The following MEOX2 variants were observed in gnomAD, a reference collection of about 807,000 sequenced individuals.
MEOX2 encodes mesenchyme homeobox 2.
Under a neutral mutation model 27.0 loss-of-function variants are expected in MEOX2, and 11 were observed. The observed-to-expected ratio is 0.41, with a 90% CI of 0.26 to 0.68. The LOEUF (loss-of-function observed/expected upper bound fraction) is 0.68, where lower values mean the gene tolerates loss of function less well. MEOX2 is among the 30% of genes least tolerant of loss of function. The probability of loss-of-function intolerance (pLI) is 0.33; values close to 1 mark genes in which losing one functional copy is unlikely to be tolerated. For synonymous variants in MEOX2, 189 were observed against 155.4 expected (o/e 1.22, Z -1.61); for missense variants, 436 against 385.4 (o/e 1.13, Z -1.10).
Position 15,634,372 on chromosome 7 carries a change from C to A in MEOX2, c.518-7454G>T, listed in dbSNP as rs963263036. Among the ~76,000 whole-genome samples the A allele has an allele frequency of 5.3e-4, 81 of 151,932 alleles. 1 individual carries two copies. Among genetic ancestry groups the A allele is most frequent in the Admixed American group, 2.0e-4 (3 of 15,222 alleles). The stretch of plus-strand genomic sequence containing the variant: ...ACTGGATGCTTGTAGCAAACCTCAA[C>A]CCTAATTTTAGTGTTGTCAGATAAA... On this transcript the variant is annotated intron_variant, in intron 1 of 2. Coordinates refer to ENST00000262041, the MANE Select transcript of MEOX2 (RefSeq NM_005924.5).
At chr7:15,619,000 T>C (rs534864484) in intron 2 of MEOX2, among the ~76,000 whole-genome samples, 1 of 151,976 alleles carries the variant, frequency 6.6e-6, no homozygotes, top group Non-Finnish European at 1.5e-5. Context: ...GAGTTTTTCA[T>C]GAGGAGACAT....
intron 1 of MEOX2, among the ~76,000 whole-genome samples, chr7:15,640,609 T>C (rs1475515273): frequency 6.6e-6 from 1 of 152,294 alleles, no homozygotes; most frequent in East Asian, 1.9e-4. Context: ...CTTTCAGTTA[T>C]TAAAGGGAAT....
chr7:15,642,815 G>T (rs1781583089), intron 1 of MEOX2, among the ~76,000 whole-genome samples: 1 of 152,096 alleles, frequency 6.6e-6, no homozygotes, highest in African/African-American at 2.4e-5. Context: ...GCATATGCTG[G>T]GTAGGTCCCT....
At chr7:15,664,498 C>T (rs1329905847) in intron 1 of MEOX2, among the ~76,000 whole-genome samples, 1 of 152,160 alleles carries the variant, frequency 6.6e-6, no homozygotes, top group East Asian at 1.9e-4. Context: ...AACAAAAACT[C>T]TCAGCAATAG....
intron 1 of MEOX2, among the ~76,000 whole-genome samples, chr7:15,660,147 A>G (rs1237390094): frequency 6.6e-6 from 1 of 152,214 alleles, no homozygotes; most frequent in Non-Finnish European, 1.5e-5. Context: ...ATTTCTGTAG[A>G]TGCAAAAATA....
At chr7:15,658,407 C>G (rs1216172113) in intron 1 of MEOX2, among the ~76,000 whole-genome samples, 2 of 152,164 alleles carry the variant, frequency 1.3e-5, no homozygotes, top group African/African-American at 4.8e-5. Flanking sequence ...AATTGTTATG[C>G]TTTGTGAGGC....
At chr7:15,672,456 A>G (rs1782114608) in intron 1 of MEOX2, among the ~76,000 whole-genome samples, 1 of 152,268 alleles carries the variant, frequency 6.6e-6, no homozygotes, top group Non-Finnish European at 1.5e-5. Context: ...TCTTAAAAAT[A>G]TAGACATCTT....
At chr7:15,655,068 G>A (rs1417603154) in intron 1 of MEOX2, among the ~76,000 whole-genome samples, 3 of 151,380 alleles carry the variant, frequency 2.0e-5, no homozygotes, top group Non-Finnish European at 3.0e-5. Flanking sequence ...AATAAATTTA[G>A]AACTATTCAA....
Position 15,635,968 on chromosome 7 carries a change from A to T in MEOX2, c.518-9050T>A, listed in dbSNP as rs542508224. Among the ~76,000 whole-genome samples the T allele has an allele frequency of 1.6e-4, 24 of 152,098 alleles. No homozygotes were observed. The South Asian group carries it at 5.0e-3, about 32-fold the overall frequency. ...AGTGAAACATAACCAAACCTGGCAT[A>T]CCCAATAAAACGGAGTCAGATAGTG... On this transcript the variant is annotated intron_variant, in intron 1 of 2. Coordinates refer to ENST00000262041, the MANE Select transcript of MEOX2 (RefSeq NM_005924.5).
chr7:15,625,197 A>G (rs1206718534), intron 2 of MEOX2, among the ~76,000 whole-genome samples: 2 of 152,168 alleles, frequency 1.3e-5, no homozygotes, highest in Admixed American at 6.6e-5. Flanking sequence ...ATATAAGAAC[A>G]TTAGTGTGTA....
chr7:15,620,802 TATC>T (rs1421933336), intron 2 of MEOX2, among the ~76,000 whole-genome samples: 2 of 152,180 alleles, frequency 1.3e-5, no homozygotes, highest in Admixed American at 1.3e-4. Flanking sequence ...TTGGCAGAAG[TATC>T]ATTAATTTAG....
intron 1 of MEOX2, chr7:15,680,948 C>T: frequency 6.6e-6 from 1 of 151,150 alleles, no homozygotes. Flanking sequence ...AGAATTAAGC[C>T]TTCTCTTTTT....
intron 1 of MEOX2, among the ~76,000 whole-genome samples, chr7:15,640,429 G>C (rs1183858753): frequency 6.6e-6 from 1 of 152,030 alleles, no homozygotes; most frequent in Non-Finnish European, 1.5e-5. Flanking sequence ...GTTTTTTGAA[G>C]GAATGTTTAG....
intron 1 of MEOX2, among the ~76,000 whole-genome samples, chr7:15,646,381 T>C (rs1781649852): frequency 6.6e-6 from 1 of 152,064 alleles, no homozygotes; most frequent in Non-Finnish European, 1.5e-5. Context: ...ATTATTCTAC[T>C]ATCATCTCTC....
intron 1 of MEOX2, among the ~76,000 whole-genome samples, chr7:15,661,218 ATAAGTGGC>A (rs1781911603): frequency 1.3e-5 from 2 of 152,082 alleles, no homozygotes; most frequent in African/African-American, 2.4e-5. Flanking sequence ...TTTTCTGTTG[ATAAGTGGC>A]TATCTTTTTT....
intron 1 of MEOX2, among the ~76,000 whole-genome samples, chr7:15,673,556 ATT>A (rs561092541): frequency 1.7e-5 from 2 of 117,046 alleles, no homozygotes; most frequent in Non-Finnish European, 1.8e-5. Flanking sequence ...CAAAATAAAG[ATT>A]TTTTTTTTTA....
intron 1 of MEOX2, among the ~76,000 whole-genome samples, chr7:15,652,987 A>G (rs1378359084): frequency 6.6e-6 from 1 of 152,058 alleles, no homozygotes; most frequent in Non-Finnish European, 1.5e-5. Context: ...TCTGAAATAA[A>G]TACTCAAAAG....
intron 1 of MEOX2, among the ~76,000 whole-genome samples, chr7:15,673,373 A>T (rs781372030): frequency 6.6e-6 from 1 of 152,106 alleles, no homozygotes; most frequent in Non-Finnish European, 1.5e-5. Flanking sequence ...AATGAAAATG[A>T]TGCATATAGA....
chr7:15,617,942 CAT>C (rs530581617), intron 2 of MEOX2, among the ~76,000 whole-genome samples: 117 of 152,166 alleles, frequency 7.7e-4, no homozygotes, highest in African/African-American at 2.5e-3. Flanking sequence ...GGACAAATAA[CAT>C]ATTGAACAAG....
Sources: gnomAD v4.1 joint callset for allele counts (sites outside exome capture counted in the v4.1 genomes callset) on GRCh38, gnomAD v4.1.1 for gene constraint, MANE v1.5 for transcripts, NCBI Gene and HGNC (gene_info 2026-07-23, HGNC 2026-07-21) for gene names.